Variants in GAB3 observed in about 807,000 individuals in gnomAD.
GAB3 encodes the protein GRB2 associated binding protein 3.
GAB3 carries 12 observed loss-of-function variants against 40.4 expected under a neutral mutation model. That is an observed-to-expected ratio of 0.30 (90% CI 0.19 to 0.48). The LOEUF (loss-of-function observed/expected upper bound fraction) is 0.48. GAB3 is among the 20% of genes least tolerant of loss of function. The pLI, the probability that GAB3 is intolerant of heterozygous loss-of-function variation, is 0.99. For synonymous variants in GAB3, 154 were observed against 176.7 expected (o/e 0.87, Z 1.02); for missense variants, 381 against 461.9 (o/e 0.82, Z 1.61).
chrX:154,708,482 A>G (rs1401157045), intron 4 of GAB3, among the ~76,000 whole-genome samples: 1 of 112,414 alleles, frequency 8.9e-6, no homozygotes, highest in Non-Finnish European at 1.9e-5. Flanking sequence ...ATCATATAAA[A>G]GGGGTTAACA....
intron 8 of GAB3, among the ~76,000 whole-genome samples, chrX:154,681,892 G>A (rs1261761354): frequency 2.7e-5 from 3 of 111,443 alleles, no homozygotes; most frequent in Non-Finnish European, 5.7e-5. Context: ...AATGTCTTGC[G>A]TGATCTTGAC....
At chrX:154,702,619 G>C (rs1213478326) in intron 4 of GAB3, among the ~76,000 whole-genome samples, 1 of 112,086 alleles carries the variant, frequency 8.9e-6, no homozygotes, top group Admixed American at 9.5e-5. Context: ...TCAACAGAGT[G>C]AAGAGACAAC....
At chrX:154,679,988 G>A (rs2070351768) in intron 9 of GAB3, 144 bp downstream of exon 9, 2 of 459,767 alleles carry the variant, frequency 4.4e-6, no homozygotes, top group African/African-American at 2.4e-5. Flanking sequence ...TGGGAGGCAG[G>A]ATGAGGGCCG....
chrX:154,683,121 A>T (rs2070396982), intron 8 of GAB3, among the ~76,000 whole-genome samples: 1 of 112,416 alleles, frequency 8.9e-6, no homozygotes. Context: ...GCTTATACTT[A>T]CGAGCGAAAG....
At chrX:154,734,969 C>A (rs2071344205) in intron 1 of GAB3, among the ~76,000 whole-genome samples, 1 of 111,631 alleles carries the variant, frequency 9.0e-6, no homozygotes, top group African/African-American at 3.3e-5. Context: ...ATGTAATAAA[C>A]AAAGCACAAA....
rs137902642 is a variant in GAB3, at chrX:154,678,731, G to C, written c.1648-437C>G. Among the ~76,000 whole-genome samples the C allele has an allele frequency of 2.6e-4, 29 of 112,057 alleles. No homozygotes were observed. In the East Asian group the frequency reaches 8.2e-3, roughly 32 times the overall value. ...TAGTAAGTTCTCAAGAGATCTGATAGTTTTATAAGGGGCTTTCCCCATTTC... is the reference window on the plus strand; with the variant it reads ...TAGTAAGTTCTCAAGAGATCTGATACTTTTATAAGGGGCTTTCCCCATTTC... On this transcript the variant is annotated intron_variant, in intron 9 of 9. Coordinates refer to ENST00000424127, the MANE Select transcript of GAB3 (RefSeq NM_001081573.3).
chrX:154,685,825 T>G (rs1557247680), intron 8 of GAB3, among the ~76,000 whole-genome samples: 1 of 112,068 alleles, frequency 8.9e-6, no homozygotes, highest in Non-Finnish European at 1.9e-5. Context: ...ATGATAGTCA[T>G]TTTACATAAA....
intron 8 of GAB3, among the ~76,000 whole-genome samples, chrX:154,689,428 G>A (rs2070515372): frequency 9.0e-6 from 1 of 111,676 alleles, no homozygotes; most frequent in Non-Finnish European, 1.9e-5. Context: ...CAGTTAGGCA[G>A]GAGAAGGAAA....
intron 1 of GAB3, among the ~76,000 whole-genome samples, chrX:154,728,478 C>A (rs1002174070): frequency 5.4e-5 from 6 of 111,800 alleles, no homozygotes; most frequent in Non-Finnish European, 1.9e-5. Flanking sequence ...TTTTCAGTGG[C>A]CTTATTGACC....
intron 8 of GAB3, among the ~76,000 whole-genome samples, chrX:154,691,689 G>A (rs1182921317): frequency 1.8e-5 from 2 of 111,431 alleles, no homozygotes; most frequent in Admixed American, 9.6e-5. Flanking sequence ...TAAAGTTCAC[G>A]TGTAATATTA....
intron 8 of GAB3, among the ~76,000 whole-genome samples, chrX:154,681,667 A>G (rs781818631): frequency 9.0e-6 from 1 of 111,360 alleles, no homozygotes; most frequent in South Asian, 3.7e-4. Context: ...TATGGCTTAC[A>G]TTATGTTTAA....
intron 1 of GAB3, among the ~76,000 whole-genome samples, chrX:154,737,511 G>A (rs1425948580): frequency 9.0e-6 from 1 of 110,944 alleles, no homozygotes; most frequent in Non-Finnish European, 1.9e-5. Flanking sequence ...CTATACCCCA[G>A]TAACCACCAA....
intron 2 of GAB3, among the ~76,000 whole-genome samples, chrX:154,713,793 C>G (rs868933255): frequency 2.4e-5 from 1 of 41,517 alleles, no homozygotes; most frequent in African/African-American, 7.7e-5. Context: ...ATATGCATAA[C>G]AAGTACATGC....
chrX:154,689,516 C>A (rs1227697853), intron 8 of GAB3, among the ~76,000 whole-genome samples: 42 of 109,779 alleles, frequency 3.8e-4, no homozygotes, highest in Non-Finnish European at 6.5e-4. Context: ...TCTAGAAAAC[C>A]CCATTGTCTC....
In GAB3 at chrX:154,740,690, C is replaced by T. The variant is rs139994271; in HGVS notation, c.72+10264G>A. ...GACTTCCAGTTGCTGAGGTAGCCCACGACCCAGAAAACAAGCTACCTGTAT... is the reference window on the plus strand; with the variant it reads ...GACTTCCAGTTGCTGAGGTAGCCCATGACCCAGAAAACAAGCTACCTGTAT... On this transcript the variant is annotated intron_variant, in intron 1 of 9. Coordinates refer to ENST00000424127, the MANE Select transcript of GAB3 (RefSeq NM_001081573.3). 3.4e-4 allele frequency among the ~76,000 whole-genome samples: 38 copies of T among 111,676 alleles called. No homozygotes were observed. In the East Asian group the frequency reaches 9.2e-3, roughly 27 times the overall value.
rs782621138 is a variant in GAB3, at chrX:154,713,365, G to A, written c.438C>T (p.Ser146=). 1.7e-6 allele frequency: 2 copies of A among 1,210,472 alleles called. No individual in the cohort carries two copies. The highest frequency in any genetic ancestry group is 2.2e-6 in the Non-Finnish European group (2 of 895,312). Residue 146 remains serine (S), a synonymous_variant, in exon 3 of 10, where the codon TCC becomes TCT. Coordinates refer to ENST00000424127, the MANE Select transcript of GAB3 (RefSeq NM_001081573.3). ...AGCTGGCAGCATGGGCGGTAAGAAG[G>A]GAGCTGGCAGAGGATGGCTGCAGGG... ...PSSLQPSSAS[S]LLTAHAASSS...
At chrX:154,713,184 C>T in intron 3 of GAB3, 23 bp downstream of exon 3, 1 of 1,160,648 alleles carries the variant, frequency 8.6e-7, no homozygotes, top group South Asian at 1.8e-5. Context: ...CCAGCTCAGA[C>T]AGAGTCCTGG....
At chrX:154,705,477 G>A (rs2070794266) in intron 4 of GAB3, among the ~76,000 whole-genome samples, 1 of 111,355 alleles carries the variant, frequency 9.0e-6, no homozygotes, top group Non-Finnish European at 1.9e-5. Context: ...CAGAATCAAG[G>A]ATAAAAACCA....
intron 4 of GAB3, among the ~76,000 whole-genome samples, 167 bp from the exon 5 acceptor site, chrX:154,700,226 T>G (rs1190489559): frequency 9.0e-6 from 1 of 111,636 alleles, no homozygotes; most frequent in Non-Finnish European, 1.9e-5. Context: ...TTGAAGAAGT[T>G]TCTAGCCAAT....
Sources: allele counts gnomAD v4.1 joint callset (sites outside exome capture counted in the v4.1 genomes callset), GRCh38; gene constraint gnomAD v4.1.1; transcripts MANE v1.5; gene names NCBI Gene and HGNC (gene_info 2026-07-23, HGNC 2026-07-21).